The following MCF2L variants were observed in gnomAD, a reference collection of about 807,000 sequenced individuals.
MCF2L encodes the protein guanine nucleotide exchange factor DBS.
Under a neutral mutation model 153.4 loss-of-function variants are expected in MCF2L, and 97 were observed. The observed-to-expected ratio is 0.63, with a 90% CI of 0.54 to 0.75. The LOEUF is 0.75. Ranked by LOEUF, MCF2L falls within the 30% of genes least tolerant of loss-of-function variation. The pLI is 0.00. For synonymous variants in MCF2L, 659 were observed against 632.2 expected (o/e 1.04, Z -0.64); for missense variants, 1,347 against 1,495.2 (o/e 0.90, Z 1.64).
In MCF2L at chr13:113,070,740, T is replaced by C. The variant is rs2032830859; in HGVS notation, c.996+567T>C. 6.6e-6 allele frequency among the ~76,000 whole-genome samples: 1 copy of C among 152,242 alleles called. No homozygotes were observed. The highest frequency in any genetic ancestry group is 1.9e-4 in the East Asian group (1 of 5,194). ...TCACTCTCGGGATTTGTTTGTTTGC[T>C]CAGCACAGCTCTCTGCAGACCCCCA... On this transcript the variant is annotated intron_variant, in intron 9 of 29. Transcript: ENST00000535094. This position sits in a 1 kb window ranked among gnomAD's most constrained non-coding sequence, Gnocchi z 5.6.
rs774826948 is a variant in MCF2L, at chr13:113,097,903, A to G, written c.*1044A>G. On this transcript the variant is annotated 3_prime_UTR_variant, in exon 30 of 30. Transcript: ENST00000535094. ...ACCCAGGTCCACCTGCCACCTGGTG[A>G]CCACCTTGAGTACAGAAGTGAAAGT... The G allele has an allele frequency of 2.6e-5, 4 of 152,180 alleles. No individual in the cohort carries two copies. The highest frequency in any genetic ancestry group is 5.9e-5 in the Non-Finnish European group (4 of 68,010). The allele number at this position is 152,180 out of a possible 1,614,324, so 9.4% of individuals were successfully genotyped here.
intron 1 of MCF2L, among the ~76,000 whole-genome samples, chr13:112,998,397 C>T (rs932130162): frequency 1.4e-4 from 22 of 152,062 alleles, no homozygotes; most frequent in African/African-American, 5.3e-4. Flanking sequence ...CTGGCCGGGG[C>T]TGTTGGGGAA....
In MCF2L at chr13:113,064,353, C is replaced by A; in HGVS notation, c.539C>A (p.Ser180Ter). The change falls in exon 6 of 30, where the codon TCG becomes TAG. Residue 180 changes from serine to a stop codon, truncating the protein, a stop_gained. Transcript: ENST00000535094. LOFTEE classifies it high-confidence loss of function. This position sits in a 1 kb window ranked among gnomAD's most constrained non-coding sequence, Gnocchi z 6.0. Reference sequence around the variant, plus strand: ...GACTTACACGGTTACATCGATAAGTCGCAGCTGACCGAGGACCTGGGTGGG... The same window carrying A: ...GACTTACACGGTTACATCGATAAGTAGCAGCTGACCGAGGACCTGGGTGGG... ...VPDLHGYIDKSQLTEDLGGTL... is the reference protein window; with the variant it reads ...VPDLHGYIDK 6.2e-7 allele frequency: 1 copy of A among 1,612,966 alleles called. No homozygotes were observed. The highest frequency in any genetic ancestry group is 8.5e-7 in the Non-Finnish European group (1 of 1,179,954).
rs1215209784 is a variant in MCF2L, at chr13:112,983,088, A to G, written c.79+13630A>G. Among the ~76,000 whole-genome samples the G allele has an allele frequency of 6.6e-6, 1 of 151,944 alleles. No homozygotes were observed. Among genetic ancestry groups the G allele is most frequent in the Non-Finnish European group, 1.5e-5 (1 of 67,978 alleles). On this transcript the variant is annotated intron_variant, in intron 1 of 29. Coordinates refer to ENST00000535094, the MANE Select transcript of MCF2L (RefSeq NM_001112732.3). The surrounding 1 kb of genome is among the most constrained non-coding windows in gnomAD (Gnocchi z 4.0). The stretch of plus-strand genomic sequence containing the variant: ...GGGGGCAGCCAGGCTGGTTCAGTGC[A>G]AGGCCTGAGGTGAGGTTCAGGTGCG...
chr13:113,034,731 G>A lies in MCF2L; in HGVS notation c.278+9973G>A, dbSNP rs550876618. On this transcript the variant is annotated intron_variant, in intron 3 of 29. Transcript: ENST00000535094. ...CCTTGCCCTTGCCCTGGTCTCACCG[G>A]CATGAGCAGAAAGACAAGGCCCGGG... Among the ~76,000 whole-genome samples, 6 of 152,296 alleles carry A rather than the reference G, an allele frequency of 3.9e-5. No homozygotes were observed. In the East Asian group the frequency reaches 1.2e-3, roughly 29 times the overall value.
At position 112,983,650 on chromosome 13, in the gene MCF2L, G is replaced by A. The variant is rs2082522067; in HGVS notation, c.79+14192G>A. Reference sequence around the variant, plus strand: ...CTCTGTCCCCTGCCTTATCTCGCTGGCTCTGCCCTTGGTCATCAGGATGTG... The same window carrying A: ...CTCTGTCCCCTGCCTTATCTCGCTGACTCTGCCCTTGGTCATCAGGATGTG... On this transcript the variant is annotated intron_variant, in intron 1 of 29. Coordinates refer to ENST00000535094, the MANE Select transcript of MCF2L (RefSeq NM_001112732.3). The surrounding 1 kb of genome is among the most constrained non-coding windows in gnomAD (Gnocchi z 4.0). Among the ~76,000 whole-genome samples, 1 of 152,208 alleles carries A rather than the reference G, an allele frequency of 6.6e-6. No homozygotes were observed. Among genetic ancestry groups the A allele is most frequent in the Non-Finnish European group, 1.5e-5 (1 of 68,048 alleles).
intron 2 of MCF2L, among the ~76,000 whole-genome samples, chr13:112,945,650 C>T (rs532386893): frequency 6.6e-6 from 1 of 152,346 alleles, no homozygotes; most frequent in South Asian, 2.1e-4. Flanking sequence ...GAGTGGGAGA[C>T]AAGCCTGGAT....
At chr13:112,981,636 G>C (rs1043947288) in intron 1 of MCF2L, among the ~76,000 whole-genome samples, 1 of 152,214 alleles carries the variant, frequency 6.6e-6, no homozygotes, top group Non-Finnish European at 1.5e-5. Flanking sequence ...CCCTGGGCCT[G>C]CGAGCCTGAG....
chr13:113,072,397 G>A (rs962020514), intron 9 of MCF2L, among the ~76,000 whole-genome samples: 3 of 152,164 alleles, frequency 2.0e-5, no homozygotes, highest in Non-Finnish European at 4.4e-5. Flanking sequence ...GATAAGAGTG[G>A]CGAGACTGGA....
At chr13:112,992,530 G>T (rs3011531) in intron 1 of MCF2L, among the ~76,000 whole-genome samples, 136,237 of 152,254 alleles carry the variant, frequency 0.89, 61,668 homozygotes, top group Non-Finnish European at 0.98. Flanking sequence ...TGGTGGCCAC[G>T]TCTCATCCTC....
At chr13:113,041,840 C>G (rs1285657328) in intron 3 of MCF2L, among the ~76,000 whole-genome samples, 2 of 152,074 alleles carry the variant, frequency 1.3e-5, no homozygotes, top group Non-Finnish European at 2.9e-5. Flanking sequence ...CAGGTCCCTG[C>G]TTGGTGGGAA....
chr13:113,088,450 G>C (rs2034852014), intron 24 of MCF2L, 45 bp downstream of exon 24: 3 of 1,611,210 alleles, frequency 1.9e-6, no homozygotes, highest in Non-Finnish European at 2.5e-6. Context: ...TTCCGCTCCA[G>C]GTGCATTTTT....
intron 1 of MCF2L, among the ~76,000 whole-genome samples, chr13:112,970,791 T>C (rs1326072460): frequency 6.6e-6 from 1 of 152,084 alleles, no homozygotes; most frequent in Non-Finnish European, 1.5e-5. Context: ...GCATTTTTAA[T>C]TGGAAAAAGG....
chr13:113,090,259 C>T (rs1470300034), intron 26 of MCF2L: 25 of 1,359,040 alleles, frequency 1.8e-5, no homozygotes, highest in Non-Finnish European at 1.6e-5. Flanking sequence ...AGGGCGGCCA[C>T]GCAAAAGCGT....
Position 113,064,166 on chromosome 13 carries a change from C to G in MCF2L, c.490-138C>G, listed in dbSNP as rs1241187001. On this transcript the variant is annotated intron_variant, in intron 5 of 29. Coordinates refer to ENST00000535094, the MANE Select transcript of MCF2L (RefSeq NM_001112732.3). The surrounding 1 kb of genome is among the most constrained non-coding windows in gnomAD (Gnocchi z 6.0). ...CACATCCATCCGCAGTGTCCAGGTG[C>G]CCCCACCCACACAGCCGCCCGCAGC... 39 of 716,416 alleles carry G rather than the reference C, an allele frequency of 5.4e-5. No homozygotes were observed. The Admixed American group carries it at 6.9e-4, about 13-fold the overall frequency. 44.4% of individuals were successfully genotyped at this position (716,416 alleles called of 1,614,324 possible). A position where few individuals can be genotyped will look rare whatever the true frequency, so the allele number is the denominator to read the frequency against.
At chr13:113,065,983 C>T (rs1287428538) in intron 7 of MCF2L, 63 bp from the exon 8 acceptor site, 1 of 1,556,438 alleles carries the variant, frequency 6.4e-7, no homozygotes, top group South Asian at 1.2e-5. Flanking sequence ...CACGAGGCCT[C>T]ACCACCAGCC....
chr13:112,977,639 C>A (rs1484079578), intron 1 of MCF2L, among the ~76,000 whole-genome samples: 2 of 152,150 alleles, frequency 1.3e-5, no homozygotes, highest in African/African-American at 2.4e-5. Context: ...CCCTGCTGTT[C>A]CGATTTCCTT....
At position 112,943,972 on chromosome 13, in the gene MCF2L, CGTGAGGGGAGGGTCCCGG is replaced by C. The variant is rs1179751791; in HGVS notation, c.169+41621_169+41638del. Among the ~76,000 whole-genome samples, 23 of 145,332 alleles carry C rather than the reference CGTGAGGGGAGGGTCCCGG, an allele frequency of 1.6e-4. No homozygotes were observed. The highest frequency in any genetic ancestry group is 2.7e-4 in the Non-Finnish European group (18 of 67,306). On this transcript the variant is annotated intron_variant, in intron 2 of 29. Transcript: ENST00000375608. The surrounding 1 kb of genome is among the most constrained non-coding windows in gnomAD (Gnocchi z 4.2). ...CAGGGGCGCAGAGAGGGTCCCGGGC[CGTGAGGGGAGGGTCCCGG>C]GTGAGGGGAGGGTCCCGGGCCTTGA...
chr13:113,036,102 G>C (rs998984877), intron 3 of MCF2L, among the ~76,000 whole-genome samples: 1 of 152,144 alleles, frequency 6.6e-6, no homozygotes, highest in South Asian at 2.1e-4. Flanking sequence ...GACAACACTC[G>C]TGTCTATAAT....
Sources: gnomAD v4.1 joint callset for allele counts (sites outside exome capture counted in the v4.1 genomes callset) on GRCh38, gnomAD v4.1.1 for gene constraint, Gnocchi (gnomAD v3.1) non-coding constraint, MANE v1.5 for transcripts, NCBI Gene and HGNC (gene_info 2026-07-23, HGNC 2026-07-21) for gene names.